The following HELZ variants were observed in gnomAD, a reference collection of about 807,000 sequenced individuals.
The protein encoded by HELZ is helicase with zinc finger.
A neutral mutation model predicts 218.2 loss-of-function variants in HELZ; 23 were observed. The ratio of observed to expected loss-of-function variants is 0.11; its 90% CI spans 0.08 to 0.15. The LOEUF (loss-of-function observed/expected upper bound fraction) is 0.15, where lower values mean the gene tolerates loss of function less well. HELZ is among the 10% of genes least tolerant of loss of function. The pLI is 1.00. For synonymous variants in HELZ, 814 were observed against 829.4 expected (o/e 0.98, Z 0.32); for missense variants, 1,813 against 2,353.7 (o/e 0.77, Z 4.75).
rs1039861821 is a variant in HELZ at position 67,077,472 on chromosome 17, GCTT to G, written c.*777_*779del. 19 of 151,622 alleles carry G rather than the reference GCTT, an allele frequency of 1.3e-4. No individual in the cohort carries two copies. Among genetic ancestry groups the G allele is most frequent in the African/African-American group, 3.1e-4 (13 of 41,342 alleles). The allele number at this position is 151,622 out of a possible 1,614,324, so 9.4% of individuals were successfully genotyped here. ...CACCAACAATCCTAAAAATTTTTCA[GCTT>G]CTTGATTTGTTTAAAAAAAAAAACA... On this transcript the variant is annotated 3_prime_UTR_variant, in exon 33 of 33. Coordinates refer to ENST00000358691, the MANE Select transcript of HELZ (RefSeq NM_014877.4).
intron 13 of HELZ, among the ~76,000 whole-genome samples, chr17:67,170,223 G>C (rs1479592426): frequency 3.3e-5 from 5 of 152,196 alleles, no homozygotes; most frequent in Admixed American, 2.6e-4. Flanking sequence ...CACTGTCCTA[G>C]TGGGGACTCT....
chr17:67,197,906 A>G (rs1414974714), intron 7 of HELZ, among the ~76,000 whole-genome samples: 1 of 152,222 alleles, frequency 6.6e-6, no homozygotes, highest in South Asian at 2.1e-4. Flanking sequence ...AGGGCTGAAT[A>G]TAAGAATACA....
intron 31 of HELZ, among the ~76,000 whole-genome samples, chr17:67,089,624 T>A (rs1004021109): frequency 1.4e-5 from 2 of 145,780 alleles, no homozygotes; most frequent in East Asian, 4.1e-4. Flanking sequence ...TTAATGCTTT[T>A]AAAATTAGAT....
chr17:67,240,489 T>A (rs1017812941), intron 2 of HELZ, among the ~76,000 whole-genome samples: 8 of 152,248 alleles, frequency 5.3e-5, no homozygotes, highest in Non-Finnish European at 1.0e-4. Flanking sequence ...AATAATTTTT[T>A]AAAACTGTAT....
intron 12 of HELZ, among the ~76,000 whole-genome samples, chr17:67,180,997 G>A (rs2039595333): frequency 6.6e-6 from 1 of 151,822 alleles, no homozygotes. Context: ...AGGATGCAGT[G>A]AGCCAAGATC....
chr17:67,133,260 T>G (rs1348792319), intron 23 of HELZ, among the ~76,000 whole-genome samples: 1 of 152,186 alleles, frequency 6.6e-6, no homozygotes, highest in African/African-American at 2.4e-5. Flanking sequence ...AACAGGCAAC[T>G]GCAGACTCAG....
At chr17:67,097,317 T>C (rs1307045064) in intron 31 of HELZ, among the ~76,000 whole-genome samples, 6 of 152,230 alleles carry the variant, frequency 3.9e-5, no homozygotes, top group Admixed American at 6.5e-5. Context: ...ATGGCGCTTA[T>C]AGACTTGCTC....
chr17:67,216,560 TTTC>T (rs1426410493), intron 4 of HELZ, among the ~76,000 whole-genome samples: 1 of 152,202 alleles, frequency 6.6e-6, no homozygotes, highest in African/African-American at 2.4e-5. Context: ...TTCTCTTTTT[TTTC>T]TTTAGTGTCT....
intron 4 of HELZ, among the ~76,000 whole-genome samples, chr17:67,216,882 G>C (rs764760314): frequency 1.3e-5 from 2 of 152,006 alleles, no homozygotes; most frequent in African/African-American, 4.8e-5. Context: ...CTTTCCTCAG[G>C]GTTGCTCTTT....
chr17:67,207,255 T>G (rs1219583981), intron 5 of HELZ, among the ~76,000 whole-genome samples: 1 of 139,264 alleles, frequency 7.2e-6, no homozygotes, highest in Non-Finnish European at 1.6e-5. Flanking sequence ...GAGTCTCGCT[T>G]TGTTGCCCAG....
chr17:67,106,409 G>T (rs1199092523), intron 31 of HELZ, among the ~76,000 whole-genome samples: 1 of 151,386 alleles, frequency 6.6e-6, no homozygotes, highest in African/African-American at 2.5e-5. Flanking sequence ...CCGGGTTCAC[G>T]CCATTCTCCT....
At position 67,078,343 on chromosome 17, in the gene HELZ, G is replaced by A. The variant is rs771516463; in HGVS notation, c.5738C>T (p.Ala1913Val). The change falls in exon 33 of 33, where the codon GCC (alanine) becomes GTC (valine). Residue 1913 changes from alanine (A) to valine (V), a missense_variant. Physicochemically the swap from Ala to Val is moderately conservative, Grantham distance 64. This residue lies in a region of HELZ where 938 missense variants were observed against 1,027.5 expected (regional missense o/e 0.91). Coordinates refer to ENST00000358691, the MANE Select transcript of HELZ (RefSeq NM_014877.4). ...AGACAGAGGGTCGCTACTCTTCTTG[G>A]CCTGCTCAGGAGGGGGCCTGGGCTT... is the stretch of plus-strand genomic sequence containing the variant. ...PPKPRPPPEQ[A>V]KKSSDPLSLF... The A allele has an allele frequency of 1.2e-6, 2 of 1,613,820 alleles. No individual in the cohort carries two copies. The highest frequency in any genetic ancestry group is 2.7e-5 in the African/African-American group (2 of 74,904).
intron 27 of HELZ, among the ~76,000 whole-genome samples, chr17:67,115,115 G>C (rs2143790536): frequency 6.6e-6 from 1 of 152,146 alleles, no homozygotes; most frequent in Non-Finnish European, 1.5e-5. Flanking sequence ...TATCATGCCA[G>C]AATTACCTTA....
chr17:67,216,550 TTC>T (rs1160111331), intron 4 of HELZ, among the ~76,000 whole-genome samples: 3 of 152,172 alleles, frequency 2.0e-5, no homozygotes, highest in East Asian at 3.8e-4. Flanking sequence ...TCCTTTTCCT[TTC>T]TCTTTTTTTT....
At chr17:67,244,492 G>A in intron 1 of HELZ, 1 of 537,064 alleles carries the variant, frequency 1.9e-6, no homozygotes, top group Non-Finnish European at 2.4e-6. Context: ...AAGGGTACTG[G>A]AGTACTCTCA....
chr17:67,137,399 T>A (rs1398484390), intron 22 of HELZ, among the ~76,000 whole-genome samples: 1 of 152,228 alleles, frequency 6.6e-6, no homozygotes, highest in Non-Finnish European at 1.5e-5. Context: ...TTTTTGCCCA[T>A]GCTCTTACTG....
At chr17:67,235,488 G>A (rs1449244297) in intron 3 of HELZ, among the ~76,000 whole-genome samples, 1 of 150,024 alleles carries the variant, frequency 6.7e-6, no homozygotes, top group East Asian at 2.0e-4. Flanking sequence ...CTGGGCAACA[G>A]AGCGAGACTC....
At position 67,108,643 on chromosome 17, in the gene HELZ, G is replaced by C; in HGVS notation, c.4573C>G (p.Leu1525Val). 1 of 1,614,078 alleles carries C rather than the reference G, an allele frequency of 6.2e-7. No individual in the cohort carries two copies. The highest frequency in any genetic ancestry group is 8.5e-7 in the Non-Finnish European group (1 of 1,179,980). The change falls in exon 30 of 33, where the codon CTC (leucine) becomes GTC (valine). Residue 1525 changes from leucine (L) to valine (V), a missense_variant. By Grantham distance (32) the Leu-to-Val change is conservative (BLOSUM62 1). Transcript: ENST00000358691. The surrounding 1 kb of genome is among the most constrained non-coding windows in gnomAD (Gnocchi z 4.1). ...GGGTATGGAGCGCTGCCCTGACTGA[G>C]AAAGGCATGATGCTCGCTCCACTGC... ...FQQWSEHHAF[L>V]SQGSAPYPHH...
At position 67,073,398 on chromosome 17, in the gene HELZ, T is replaced by C. The variant is rs1262928927; in HGVS notation, c.*4854A>G. 2.0e-5 allele frequency: 3 copies of C among 152,768 alleles called. No individual in the cohort carries two copies. The highest frequency in any genetic ancestry group is 4.4e-5 in the Non-Finnish European group (3 of 68,040). The allele number at this position is 152,768 out of a possible 1,614,324, so 9.5% of individuals were successfully genotyped here. ...TCATAGAATTATATAAAACTTACTA[T>C]GCTTTATGCTTAATATCTGTATCAA... On this transcript the variant is annotated 3_prime_UTR_variant, in exon 33 of 33. Transcript: ENST00000358691.
Sources: allele counts gnomAD v4.1 joint callset (sites outside exome capture counted in the v4.1 genomes callset), GRCh38; gene constraint gnomAD v4.1.1; regional missense constraint gnomAD v4.1.1; non-coding constraint Gnocchi (gnomAD v3.1); transcripts MANE v1.5; gene names NCBI Gene and HGNC (gene_info 2026-07-23, HGNC 2026-07-21).